ERCC8: variants seen among roughly 807,000 people sequenced by gnomAD.
The protein encoded by ERCC8 is DNA excision repair protein ERCC-8.
ERCC8 carries 52 observed loss-of-function variants against 54.9 expected under a neutral mutation model. The observed-to-expected ratio is 0.95, with a 90% CI of 0.76 to 1.19. ERCC8 has a LOEUF of 1.19. ERCC8 is among the 50% of genes most tolerant of loss of function. The probability of loss-of-function intolerance (pLI) is 0.00; values close to 1 mark genes in which losing one functional copy is unlikely to be tolerated. For missense variants in ERCC8, 514 were observed against 466.1 expected (o/e 1.10, Z -0.95); for synonymous variants, 146 against 157.2 (o/e 0.93, Z 0.53).
At chr5:60,931,833 C>T (rs887480620) in intron 1 of ERCC8, among the ~76,000 whole-genome samples, 5 of 152,172 alleles carry the variant, frequency 3.3e-5, no homozygotes, top group Non-Finnish European at 5.9e-5. Flanking sequence ...TCTTTTCCTT[C>T]AGCTCCCTCT....
intron 10 of ERCC8, among the ~76,000 whole-genome samples, chr5:60,889,817 C>T (rs1017948417): frequency 6.6e-6 from 1 of 152,142 alleles, no homozygotes; most frequent in Non-Finnish European, 1.5e-5. Context: ...GTCACGTCAC[C>T]TCTCTGGTGC....
intron 1 of ERCC8, among the ~76,000 whole-genome samples, chr5:60,939,724 G>A (rs1013891121): frequency 2.0e-5 from 3 of 152,126 alleles, no homozygotes; most frequent in African/African-American, 7.2e-5. Flanking sequence ...TCGAACACCT[G>A]AGCTCAAGTG....
At chr5:60,916,848 A>G (rs890043152) in intron 4 of ERCC8, among the ~76,000 whole-genome samples, 1 of 152,038 alleles carries the variant, frequency 6.6e-6, no homozygotes, top group Admixed American at 6.6e-5. Flanking sequence ...TAAAGCATTT[A>G]CTCAGCAGTT....
chr5:60,867,040 G>A lies in ERCC8; in HGVS notation c.*7575C>T, dbSNP rs1442241149. On this transcript the variant is annotated 3_prime_UTR_variant, in exon 12 of 12. Transcript: ENST00000676185. Reference sequence around the variant, plus strand: ...TTTAGTAAAGACGGGGTTTCACCATGTTAGCCAGGATGGTCTCGATCTCCT... The same window carrying A: ...TTTAGTAAAGACGGGGTTTCACCATATTAGCCAGGATGGTCTCGATCTCCT... 2 of 152,006 alleles carry A rather than the reference G, an allele frequency of 1.3e-5. 1 individual carries two copies. The highest frequency in any genetic ancestry group is 4.2e-4 in the South Asian group (2 of 4,814). 9.4% of individuals were successfully genotyped at this position (152,006 alleles called of 1,614,324 possible).
At chr5:60,898,439 A>G in intron 8 of ERCC8, 39 bp from the exon 9 acceptor site, 1 of 1,609,774 alleles carries the variant, frequency 6.2e-7, no homozygotes, top group Non-Finnish European at 8.5e-7. Flanking sequence ...CTGTTCTTGT[A>G]TTCAGGACAT....
At chr5:60,906,904 CCA>C (rs1468875295) in intron 4 of ERCC8, among the ~76,000 whole-genome samples, 2 of 152,174 alleles carry the variant, frequency 1.3e-5, no homozygotes, top group African/African-American at 2.4e-5. Context: ...TCCCCTACTG[CCA>C]CAGTTTTCTC....
At chr5:60,898,095 G>C (rs2112485619) in intron 9 of ERCC8, among the ~76,000 whole-genome samples, 181 bp downstream of exon 9, 1 of 152,270 alleles carries the variant, frequency 6.6e-6, no homozygotes, top group Middle Eastern at 3.4e-3. Flanking sequence ...GAATGTGGTA[G>C]GTAGTGGGTA....
chr5:60,915,370 T>C (rs1177453964), intron 4 of ERCC8: 3 of 152,030 alleles, frequency 2.0e-5, no homozygotes, highest in South Asian at 2.1e-4. Flanking sequence ...CTTTTGCAGG[T>C]AGGAGAGGGA....
At chr5:60,901,606 T>C (rs947668159) in intron 7 of ERCC8, among the ~76,000 whole-genome samples, 1 of 152,012 alleles carries the variant, frequency 6.6e-6, no homozygotes, top group Admixed American at 6.6e-5. Flanking sequence ...AGCTACAAAG[T>C]TAACTGTATT....
intron 9 of ERCC8, among the ~76,000 whole-genome samples, chr5:60,894,092 C>T (rs1012763320): frequency 1.3e-5 from 2 of 151,000 alleles, no homozygotes; most frequent in African/African-American, 4.9e-5. Context: ...TCACGCCATT[C>T]TCCTGCCTCA....
chr5:60,919,980 A>T (rs1749556467), intron 3 of ERCC8, among the ~76,000 whole-genome samples: 1 of 152,006 alleles, frequency 6.6e-6, no homozygotes, highest in Non-Finnish European at 1.5e-5. Context: ...TATTTAGAGG[A>T]AATGCCCTTT....
chr5:60,890,815 A>T (rs1748522769), intron 10 of ERCC8, 74 bp downstream of exon 10: 4 of 1,082,112 alleles, frequency 3.7e-6, no homozygotes, highest in Admixed American at 3.6e-5. Flanking sequence ...ATAAAATCAT[A>T]ATTTATTCTT....
At chr5:60,875,891 T>TTA (rs1228570314) in intron 11 of ERCC8, among the ~76,000 whole-genome samples, 1 of 111,556 alleles carries the variant, frequency 9.0e-6, no homozygotes, top group Non-Finnish European at 1.8e-5. Context: ...TATTTATTTT[T>TTA]TCTTTTTTTT....
intron 11 of ERCC8, among the ~76,000 whole-genome samples, 173 bp from the exon 12 acceptor site, chr5:60,874,856 T>A (rs558904437): frequency 6.6e-6 from 1 of 152,208 alleles, no homozygotes; most frequent in Non-Finnish European, 1.5e-5. Flanking sequence ...ATATACAATA[T>A]AAGATAATGT....
chr5:60,933,126 CTTTTAT>C (rs1433791136), intron 1 of ERCC8, among the ~76,000 whole-genome samples: 1 of 148,914 alleles, frequency 6.7e-6, no homozygotes, highest in East Asian at 2.0e-4. Flanking sequence ...CAGTTTTTAC[CTTTTAT>C]TTTTGTTTTA....
At chr5:60,893,081 T>C (rs1237760551) in intron 9 of ERCC8, 3 of 777,990 alleles carry the variant, frequency 3.9e-6, no homozygotes, top group East Asian at 4.9e-5. Flanking sequence ...GGTCAATCTT[T>C]TTCAAGACCA....
chr5:60,877,797 T>A (rs1375246962), intron 11 of ERCC8, among the ~76,000 whole-genome samples: 3 of 152,238 alleles, frequency 2.0e-5, no homozygotes, highest in Non-Finnish European at 4.4e-5. Flanking sequence ...TTTCTAGATA[T>A]ACAGTCATGT....
chr5:60,903,020 A>C (rs941527131), intron 6 of ERCC8, among the ~76,000 whole-genome samples: 4 of 151,998 alleles, frequency 2.6e-5, no homozygotes, highest in Non-Finnish European at 5.9e-5. Context: ...AACTATTCAC[A>C]TCAGACATTT....
intron 11 of ERCC8, among the ~76,000 whole-genome samples, chr5:60,876,456 T>C (rs1053293605): frequency 2.6e-5 from 4 of 152,160 alleles, no homozygotes; most frequent in Non-Finnish European, 4.4e-5. Context: ...AATTCCTACA[T>C]GGACTTCCAC....
Sources: gnomAD v4.1 joint callset for allele counts (sites outside exome capture counted in the v4.1 genomes callset) on GRCh38, gnomAD v4.1.1 for gene constraint, MANE v1.5 for transcripts, NCBI Gene and HGNC (gene_info 2026-07-23, HGNC 2026-07-21) for gene names.